MAP3K5: variants seen among roughly 807,000 people sequenced by gnomAD.
The protein encoded by MAP3K5 is ASK-1.
A neutral mutation model predicts 158.7 loss-of-function variants in MAP3K5; 56 were observed. That is an observed-to-expected ratio of 0.35 (90% CI 0.28 to 0.44). The LOEUF is 0.44. Ranked by LOEUF, MAP3K5 falls within the 20% of genes least tolerant of loss-of-function variation. The pLI is 1.00. For missense variants in MAP3K5, 1,294 were observed against 1,674.8 expected, an observed-to-expected ratio of 0.77 and a Z score of 3.97; for synonymous variants, 579 against 601.7, an observed-to-expected ratio of 0.96 and a Z score of 0.55.
In MAP3K5 at chr6:136,592,614, T is replaced by C; in HGVS notation, c.2879A>G (p.Glu960Gly). The change falls in exon 22 of 30, where the codon GAA becomes GGA. Residue 960 changes from glutamate to glycine, a missense_variant and splice_region_variant. Glu to Gly is a moderately conservative substitution (Grantham distance 98). Coordinates refer to ENST00000359015, the MANE Select transcript of MAP3K5 (RefSeq NM_005923.4). ...KLSALSAGSN[E>G]YLRSISLPVP... ...CGGCAAGGATATACTCCTGAGATAT[T>C]CTGCTTGTGATGAGAGGAGGGAAAA... 1 of 1,612,596 alleles carries C rather than the reference T, an allele frequency of 6.2e-7. No individual in the cohort carries two copies. The highest frequency in any genetic ancestry group is 8.5e-7 in the Non-Finnish European group (1 of 1,178,802).
rs1159005145 is a variant in MAP3K5 at position 136,717,351 on chromosome 6, C to CA, written c.588+3098dup. The stretch of plus-strand genomic sequence containing the variant: ...ACTTTTCCAGGAGCTTAAATTAAAA[C>CA]AAAAAAAAATTTTTTTCTACGATTT... On this transcript the variant is annotated intron_variant, in intron 2 of 29. Transcript: ENST00000359015. Among the ~76,000 whole-genome samples the CA allele has an allele frequency of 4.0e-5, 6 of 151,700 alleles. No individual in the cohort carries two copies. In the South Asian group the frequency reaches 8.3e-4, roughly 21 times the overall value.
chr6:136,772,116 C>T lies in MAP3K5; in HGVS notation c.448+19594G>A, dbSNP rs754233161. On this transcript the variant is annotated intron_variant, in intron 1 of 29. Coordinates refer to ENST00000359015, the MANE Select transcript of MAP3K5 (RefSeq NM_005923.4). Reference sequence around the variant, plus strand: ...GTAGAAATGGGGGGGGGGGGTTTACCATGTTGGCCAGGCTGGTCTCGAACT... The same window carrying T: ...GTAGAAATGGGGGGGGGGGGTTTACTATGTTGGCCAGGCTGGTCTCGAACT... 3.2e-3 allele frequency among the ~76,000 whole-genome samples: 466 copies of T among 147,800 alleles called. 1 individual carries two copies. The highest frequency in any genetic ancestry group is 4.9e-3 in the Non-Finnish European group (326 of 67,092).
chr6:136,756,865 T>G (rs373740636), intron 1 of MAP3K5, among the ~76,000 whole-genome samples: 26 of 152,286 alleles, frequency 1.7e-4, no homozygotes, highest in Admixed American at 5.2e-4. Context: ...TAAGGTCTCC[T>G]TTTCCTCTTC....
At position 136,567,691 on chromosome 6, in the gene MAP3K5, G is replaced by T; in HGVS notation, c.3701C>A (p.Ser1234Tyr). Residue 1234 changes from serine to tyrosine, a missense_variant, in exon 26 of 30, where the codon TCC becomes TAC. Around this residue, in one of 5 missense-constraint regions of MAP3K5, gnomAD observed 199 missense variants for 220.3 expected, o/e 0.90. Transcript: ENST00000359015. ...STLSSTVSHD[S>Y]QSAHRSLNVQ... Reference sequence around the variant, plus strand: ...ATTCAGTGACCGGTGAGCACTCTGGGAATCATGAGACACAGTAGAACTGAG... The same window carrying T: ...ATTCAGTGACCGGTGAGCACTCTGGTAATCATGAGACACAGTAGAACTGAG... The T allele has an allele frequency of 6.2e-7, 1 of 1,614,130 alleles. No individual in the cohort carries two copies. Among genetic ancestry groups the T allele is most frequent in the African/African-American group, 1.3e-5 (1 of 75,050 alleles).
In MAP3K5 at chr6:136,629,541, G is replaced by A. The variant is rs574280745; in HGVS notation, c.2017-6560C>T. Among the ~76,000 whole-genome samples the A allele has an allele frequency of 5.4e-5, 8 of 148,422 alleles. No individual in the cohort carries two copies. In the South Asian group the frequency reaches 8.7e-4, roughly 16 times the overall value. On this transcript the variant is annotated intron_variant, in intron 14 of 29. Coordinates refer to ENST00000359015, the MANE Select transcript of MAP3K5 (RefSeq NM_005923.4). Reference sequence around the variant, plus strand: ...ACAATCTCAGCTCGCTGCAAGCTCCGCCTCCCAGGTTCACGCCATTCTCCT... The same window carrying A: ...ACAATCTCAGCTCGCTGCAAGCTCCACCTCCCAGGTTCACGCCATTCTCCT...
At chr6:136,782,100 T>C (rs1784638994) in intron 1 of MAP3K5, among the ~76,000 whole-genome samples, 4 of 149,642 alleles carry the variant, frequency 2.7e-5, no homozygotes, top group Non-Finnish European at 5.9e-5. Context: ...TAGCTTTGGA[T>C]GACTTTTTAA....
At chr6:136,665,637 C>T (rs1009917262) in intron 8 of MAP3K5, among the ~76,000 whole-genome samples, 5 of 152,160 alleles carry the variant, frequency 3.3e-5, no homozygotes, top group African/African-American at 9.7e-5. Context: ...TGAGCCACCA[C>T]GCCCAGCCTA....
intron 1 of MAP3K5, among the ~76,000 whole-genome samples, chr6:136,779,237 C>T (rs1481706679): frequency 6.6e-6 from 1 of 151,762 alleles, no homozygotes; most frequent in African/African-American, 2.4e-5. Flanking sequence ...TAGAGTGAGC[C>T]TGTCTCAAAA....
chr6:136,720,823 A>T (rs1406794200), intron 1 of MAP3K5, among the ~76,000 whole-genome samples: 2 of 152,216 alleles, frequency 1.3e-5, no homozygotes, highest in African/African-American at 4.8e-5. Context: ...TCTGTCACCC[A>T]GACTGGAGTA....
chr6:136,753,958 T>C (rs73777735), intron 1 of MAP3K5, among the ~76,000 whole-genome samples: 7,562 of 152,214 alleles, frequency 0.05, 625 homozygotes, highest in African/African-American at 0.17. Context: ...AGCAGCAAGT[T>C]CAGTTTGGTG....
intron 11 of MAP3K5, among the ~76,000 whole-genome samples, chr6:136,650,759 A>G (rs1583345868): frequency 6.6e-6 from 1 of 152,386 alleles, no homozygotes; most frequent in East Asian, 1.9e-4. Flanking sequence ...TATGCCATCT[A>G]TAATAAAAAT....
chr6:136,736,291 C>T (rs749251477), intron 1 of MAP3K5, among the ~76,000 whole-genome samples: 7 of 152,220 alleles, frequency 4.6e-5, no homozygotes, highest in African/African-American at 1.2e-4. Context: ...CATACCCTTT[C>T]TTTCTACTCT....
rs560850613 is a variant in MAP3K5 at position 136,571,957 on chromosome 6, T to C, written c.3518-4083A>G. Among the ~76,000 whole-genome samples the C allele has an allele frequency of 6.6e-5, 10 of 152,330 alleles. No individual in the cohort carries two copies. The South Asian group carries it at 2.1e-3, about 32-fold the overall frequency. ...CAAACTTCACCTCTACTCTATCTCA[T>C]CTCTTATTCCAAAATCCCATTTCTT... On this transcript the variant is annotated intron_variant, in intron 25 of 29. Transcript: ENST00000359015.
Position 136,609,710 on chromosome 6 carries a change from C to T in MAP3K5, c.2521+1572G>A, listed in dbSNP as rs1776248410. ...TAGGGAGGCTGAGGTAGGAGAATCA[C>T]TTGAGCCCGGGGTAGGGGAGGTCAC... On this transcript the variant is annotated intron_variant, in intron 18 of 29. Transcript: ENST00000359015. This position sits in a 1 kb window ranked among gnomAD's most constrained non-coding sequence, Gnocchi z 4.4. Among the ~76,000 whole-genome samples the T allele has an allele frequency of 6.6e-6, 1 of 151,898 alleles. No homozygotes were observed. Among genetic ancestry groups the T allele is most frequent in the African/African-American group, 2.4e-5 (1 of 41,326 alleles).
At chr6:136,612,231 A>C (rs1203674115) in intron 17 of MAP3K5, among the ~76,000 whole-genome samples, 1 of 152,080 alleles carries the variant, frequency 6.6e-6, no homozygotes, top group Non-Finnish European at 1.5e-5. Context: ...TGTGTATTAA[A>C]CTCTTTCTCA....
intron 6 of MAP3K5, among the ~76,000 whole-genome samples, chr6:136,695,028 C>T (rs1249609957): frequency 6.6e-6 from 1 of 151,266 alleles, no homozygotes; most frequent in East Asian, 1.9e-4. Flanking sequence ...TTCGTGGTTG[C>T]CTAGAGTTGG....
chr6:136,763,479 T>C (rs1351989020), intron 1 of MAP3K5, among the ~76,000 whole-genome samples: 1 of 152,198 alleles, frequency 6.6e-6, no homozygotes, highest in Non-Finnish European at 1.5e-5. Flanking sequence ...AGGTGCAGTA[T>C]TCTGACAGTG....
chr6:136,720,393 C>T lies in MAP3K5; in HGVS notation c.588+57G>A, dbSNP rs1038474238. ...CTACTTAAAATGTTTGGATGACAAA[C>T]CGGTATCCCTGAAATGCTGATGTTA... On this transcript the variant is annotated intron_variant, in intron 2 of 29. Transcript: ENST00000359015. 6 of 1,468,644 alleles carry T rather than the reference C, an allele frequency of 4.1e-6. No individual in the cohort carries two copies. The South Asian group carries it at 4.3e-5, about 10-fold the overall frequency. The allele number at this position is 1,468,644 out of a possible 1,614,324, so 91.0% of individuals were successfully genotyped here.
chr6:136,675,980 C>T (rs1013150476), intron 7 of MAP3K5, among the ~76,000 whole-genome samples: 46 of 152,026 alleles, frequency 3.0e-4, no homozygotes, highest in African/African-American at 1.1e-3. Flanking sequence ...CAACTTTATG[C>T]CAATAAATAT....
Sources: gnomAD v4.1 joint callset for allele counts (sites outside exome capture counted in the v4.1 genomes callset) on GRCh38, gnomAD v4.1.1 for gene constraint, gnomAD v4.1.1 regional missense constraint, Gnocchi (gnomAD v3.1) non-coding constraint, MANE v1.5 for transcripts, NCBI Gene and HGNC (gene_info 2026-07-23, HGNC 2026-07-21) for gene names.